Variants in STAP2 observed in about 807,000 individuals in gnomAD.
The protein encoded by STAP2 is signal-transducing adaptor protein 2.
In STAP2, 58 loss-of-function variants were observed where a neutral mutation model predicts 52.7. The ratio of observed to expected loss-of-function variants is 1.10; its 90% CI spans 0.89 to 1.37. The LOEUF (loss-of-function observed/expected upper bound fraction) is 1.37. Among genes scored for constraint, STAP2 ranks in the 40% most tolerant of loss-of-function variants. The pLI is 0.00. For synonymous variants in STAP2, 231 were observed against 210.5 expected (o/e 1.10, Z -0.84); for missense variants, 522 against 519.4 (o/e 1.00, Z -0.05).
chr19:4,331,938 A>C lies in STAP2; in HGVS notation c.354+84T>G, dbSNP rs1298737080. The C allele has an allele frequency of 4.9e-6, 7 of 1,437,476 alleles. No individual in the cohort carries two copies. The African/African-American group carries it at 1.1e-4, about 23-fold the overall frequency. The allele number at this position is 1,437,476 out of a possible 1,614,324, so 89.0% of individuals were successfully genotyped here. A position where few individuals can be genotyped will look rare whatever the true frequency, so the allele number is the denominator to read the frequency against. ...CAGAGCGAGACTCCGTCTCAAAAAA[A>C]GAAAAAAAGAAAGAAAGAAAAAGGA... On this transcript the variant is annotated intron_variant, in intron 4 of 12. Transcript: ENST00000594605.
chr19:4,332,076 T>TA lies in STAP2; in HGVS notation c.299dup (p.Glu101ArgfsTer37). ...ACATTTCCCGACACTCCAAGGTCTCTACCTGGGGAACAAAAGAAAGGAAAG... is the reference window on the plus strand; with the variant it reads ...ACATTTCCCGACACTCCAAGGTCTCTAACCTGGGGAACAAAAGAAAGGAAAG... On this transcript the variant is annotated frameshift_variant and splice_region_variant, in exon 4 of 13. Coordinates refer to ENST00000594605, the MANE Select transcript of STAP2 (RefSeq NM_001013841.2). LOFTEE classifies it high-confidence loss of function. The TA allele has an allele frequency of 6.2e-7, 1 of 1,609,632 alleles. No homozygotes were observed. The highest frequency in any genetic ancestry group is 8.5e-7 in the Non-Finnish European group (1 of 1,178,840).
Position 4,325,697 on chromosome 19 carries a change from G to A in STAP2, c.830-152C>T, listed in dbSNP as rs529427349. 17 of 999,098 alleles carry A rather than the reference G, an allele frequency of 1.7e-5. No individual in the cohort carries two copies. In the South Asian group the frequency reaches 2.0e-4, roughly 12 times the overall value. The allele number at this position is 999,098 out of a possible 1,614,324, so 61.9% of individuals were successfully genotyped here. A position where few individuals can be genotyped will look rare whatever the true frequency, so the allele number is the denominator to read the frequency against. ...GTATAAGTCTGTGTCTGGGCCGGGC[G>A]CGGTGGCTCACGCCTGTAATCCCAG... On this transcript the variant is annotated intron_variant, in intron 9 of 12. Transcript: ENST00000594605.
At chr19:4,331,142 C>G (rs1971883658) in intron 4 of STAP2, among the ~76,000 whole-genome samples, 1 of 152,074 alleles carries the variant, frequency 6.6e-6, no homozygotes, top group African/African-American at 2.4e-5. Context: ...CCAGCCCGGG[C>G]AACATAGTGA....
intron 3 of STAP2, 44 bp from the exon 4 acceptor site, chr19:4,332,122 A>G: frequency 2.6e-6 from 4 of 1,553,840 alleles, no homozygotes; most frequent in Non-Finnish European, 3.5e-6. Flanking sequence ...AGTGAGCCTC[A>G]GTCTACTCAT....
chr19:4,326,462 C>A (rs1971794116), intron 9 of STAP2, among the ~76,000 whole-genome samples: 1 of 152,092 alleles, frequency 6.6e-6, no homozygotes, highest in Non-Finnish European at 1.5e-5. Context: ...GTGTTCTCTG[C>A]CTCCTCTTCC....
rs1333834886 is a variant in STAP2, at chr19:4,336,366, T to C, written c.102+2286A>G. Among the ~76,000 whole-genome samples, 3 of 129,650 alleles carry C rather than the reference T, an allele frequency of 2.3e-5. No individual in the cohort carries two copies. The Admixed American group carries it at 2.6e-4, about 11-fold the overall frequency. 85.1% of individuals were successfully genotyped at this position (129,650 alleles called of 152,430 possible). ...CAGAGTCTCACTCTGTCACCTAGGCTGAAATGCGGTGGCACCATCTCAGCT... is the reference window on the plus strand; with the variant it reads ...CAGAGTCTCACTCTGTCACCTAGGCCGAAATGCGGTGGCACCATCTCAGCT... On this transcript the variant is annotated intron_variant, in intron 1 of 12. Transcript: ENST00000594605.
intron 9 of STAP2, among the ~76,000 whole-genome samples, chr19:4,326,701 T>C (rs1189077084): frequency 6.6e-6 from 1 of 152,064 alleles, no homozygotes; most frequent in Non-Finnish European, 1.5e-5. Flanking sequence ...CCCAGGTTTT[T>C]CCTCCACCCC....
At chr19:4,331,951 G>C in intron 4 of STAP2, 71 bp downstream of exon 4, 2 of 1,500,868 alleles carry the variant, frequency 1.3e-6, no homozygotes, top group African/African-American at 2.8e-5. Flanking sequence ...AAAAAAGAAA[G>C]AAAGAAAAAG....
intron 5 of STAP2, among the ~76,000 whole-genome samples, chr19:4,329,582 T>TCCGCCCCCCATCCAGGCC (rs1162203690): frequency 1.3e-5 from 2 of 149,968 alleles, no homozygotes; most frequent in African/African-American, 2.5e-5. Flanking sequence ...AAGACGATGC[T>TCCGCCCCCCATCCAGGCC]CCGCCCCCCA....
chr19:4,325,509 G>A lies in STAP2; in HGVS notation c.866C>T (p.Ser289Leu). Reference sequence around the variant, plus strand: ...CAGCTTGTCCTGGCTAGACGCAGGTGACAGCGGCTTGGGGCCACCTGTGCA... The same window carrying A: ...CAGCTTGTCCTGGCTAGACGCAGGTAACAGCGGCTTGGGGCCACCTGTGCA... ...APCTGGPKPL[S>L]PASSQDKLPP... The change falls in exon 10 of 13, where the codon TCA becomes TTA. Residue 289 changes from serine (S) to leucine (L), a missense_variant. By Grantham distance (145) the Ser-to-Leu change is moderately radical. Coordinates refer to ENST00000594605, the MANE Select transcript of STAP2 (RefSeq NM_001013841.2). The A allele has an allele frequency of 1.2e-6, 2 of 1,609,456 alleles. No homozygotes were observed. Among genetic ancestry groups the A allele is most frequent in the African/African-American group, 1.3e-5 (1 of 75,054 alleles).
rs768376128 is a variant in STAP2, at chr19:4,338,731, G to T, written c.23C>A (p.Pro8His). 6 of 1,613,292 alleles carry T rather than the reference G, an allele frequency of 3.7e-6. No homozygotes were observed. Among genetic ancestry groups the T allele is most frequent in the Non-Finnish European group, 5.1e-6 (6 of 1,179,704 alleles). Residue 8 changes from proline to histidine, a missense_variant, in exon 1 of 13, where the codon CCC (proline) becomes CAC (histidine). Physicochemically the swap from Pro to His is moderately conservative, Grantham distance 77. Transcript: ENST00000594605. MASALRP[P>H]RVPKPKGVLP... ...GACACCCTTAGGCTTGGGGACACGG[G>T]GTGGCCTCAGGGCAGAGGCCATGAC...
chr19:4,334,837 TC>T (rs1568388624), intron 1 of STAP2, among the ~76,000 whole-genome samples: 22 of 4,422 alleles, frequency 5.0e-3, no homozygotes, highest in African/African-American at 0.018. Flanking sequence ...ATCCACCCAC[TC>T]ATCCATCCAT....
At chr19:4,324,425 C>T (rs1351777441) in intron 12 of STAP2, 30 bp downstream of exon 12, 14 of 1,519,380 alleles carry the variant, frequency 9.2e-6, no homozygotes, top group South Asian at 1.2e-5. Flanking sequence ...CTGGGAAGCC[C>T]GCCCCGCACT....
intron 1 of STAP2, among the ~76,000 whole-genome samples, chr19:4,337,069 G>T (rs1213401662): frequency 6.6e-6 from 1 of 152,072 alleles, no homozygotes; most frequent in Non-Finnish European, 1.5e-5. Context: ...CAGAGGCGGG[G>T]ACATGGGCAG....
intron 4 of STAP2, among the ~76,000 whole-genome samples, chr19:4,331,068 A>G (rs1971882452): frequency 6.6e-6 from 1 of 151,854 alleles, no homozygotes; most frequent in African/African-American, 2.4e-5. Flanking sequence ...GGTGGCTCAC[A>G]TCTATAATCC....
chr19:4,330,303 C>G (rs554481684), intron 4 of STAP2, among the ~76,000 whole-genome samples: 116 of 151,894 alleles, frequency 7.6e-4, no homozygotes, highest in Middle Eastern at 6.8e-3. Flanking sequence ...GGCGGATCAC[C>G]TAAGGTCAGG....
intron 12 of STAP2, 82 bp from the exon 13 acceptor site, chr19:4,324,279 G>T: frequency 1.4e-6 from 2 of 1,453,610 alleles, no homozygotes; most frequent in Non-Finnish European, 1.9e-6. Flanking sequence ...CCCAGGACCA[G>T]CTACAGATTT....
chr19:4,329,350 C>T (rs1971850427), intron 5 of STAP2, among the ~76,000 whole-genome samples: 1 of 151,982 alleles, frequency 6.6e-6, no homozygotes, highest in African/African-American at 2.4e-5. Context: ...AGCAATCCTC[C>T]CGCCTCGACC....
At chr19:4,334,498 T>C in intron 1 of STAP2, among the ~76,000 whole-genome samples, 1 of 150,326 alleles carries the variant, frequency 6.7e-6, no homozygotes, top group African/African-American at 2.5e-5. Context: ...CATCCATCCA[T>C]CCATCTGCCC....
Sources: allele counts gnomAD v4.1 joint callset (sites outside exome capture counted in the v4.1 genomes callset), GRCh38; gene constraint gnomAD v4.1.1; transcripts MANE v1.5; gene names NCBI Gene and HGNC (gene_info 2026-07-23, HGNC 2026-07-21).